SORCS1: variants seen among roughly 807,000 people sequenced by gnomAD.
The protein encoded by SORCS1 is VPS10 domain-containing receptor SorCS1.
SORCS1 carries 60 observed loss-of-function variants against 146.1 expected under a neutral mutation model. The observed-to-expected ratio is 0.41, with a 90% CI of 0.33 to 0.51. The LOEUF is 0.51. SORCS1 is among the 20% of genes least tolerant of loss of function. The probability of loss-of-function intolerance (pLI) is 0.21; values close to 1 mark genes in which losing one functional copy is unlikely to be tolerated. For synonymous variants in SORCS1, 637 were observed against 584.0 expected, an observed-to-expected ratio of 1.09 and a Z score of -1.31; for missense variants, 1,352 against 1,487.6, an observed-to-expected ratio of 0.91 and a Z score of 1.50.
intron 2 of SORCS1, among the ~76,000 whole-genome samples, chr10:106,841,477 T>TACACACACAC (rs71025563): frequency 2.0e-5 from 3 of 150,358 alleles, no homozygotes; most frequent in African/African-American, 7.3e-5. Flanking sequence ...TTCAATAAAA[T>TACACACACAC]ACACACACAC....
At chr10:106,621,109 G>A (rs931199284) in intron 19 of SORCS1, among the ~76,000 whole-genome samples, 4 of 152,202 alleles carry the variant, frequency 2.6e-5, no homozygotes, top group African/African-American at 9.7e-5. Context: ...GTTTGGGGTT[G>A]AATTAAGTTA....
At chr10:106,685,562 A>C (rs138530671) in intron 10 of SORCS1, among the ~76,000 whole-genome samples, 131 of 152,316 alleles carry the variant, frequency 8.6e-4, no homozygotes, top group Middle Eastern at 3.4e-3. Flanking sequence ...CAAGCCAGAC[A>C]AAGAGAAGGG....
intron 1 of SORCS1, among the ~76,000 whole-genome samples, chr10:106,964,418 C>T (rs1262796619): frequency 6.6e-6 from 1 of 152,092 alleles, no homozygotes; most frequent in African/African-American, 2.4e-5. Context: ...ATCCTCCTGC[C>T]TCAGTGTCCT....
At chr10:106,667,085 T>C (rs1394910299) in intron 17 of SORCS1, 1 of 152,114 alleles carries the variant, frequency 6.6e-6, no homozygotes, top group East Asian at 1.9e-4. Context: ...AAATTTATGA[T>C]TTTTTTTCCT....
At chr10:106,896,763 T>G (rs1480130114) in intron 2 of SORCS1, among the ~76,000 whole-genome samples, 2 of 151,914 alleles carry the variant, frequency 1.3e-5, no homozygotes, top group Non-Finnish European at 2.9e-5. Flanking sequence ...TTACAAATAT[T>G]AACACTTTAT....
intron 5 of SORCS1, among the ~76,000 whole-genome samples, chr10:106,730,389 A>C (rs1055784396): frequency 6.6e-6 from 1 of 152,246 alleles, no homozygotes; most frequent in African/African-American, 2.4e-5. Flanking sequence ...GGTCCTACGC[A>C]TGTTGGGTGT....
chr10:106,968,066 T>C (rs1048379586), intron 1 of SORCS1, among the ~76,000 whole-genome samples: 6 of 148,776 alleles, frequency 4.0e-5, no homozygotes, highest in Non-Finnish European at 7.4e-5. Flanking sequence ...AAAAGTTAGC[T>C]GGGCGTGGTG....
intron 1 of SORCS1, among the ~76,000 whole-genome samples, chr10:107,137,267 C>T (rs558321767): frequency 1.3e-5 from 2 of 152,220 alleles, no homozygotes; most frequent in East Asian, 3.9e-4. Flanking sequence ...ATTCCGAGGC[C>T]AACTGTACTG....
intron 23 of SORCS1, among the ~76,000 whole-genome samples, chr10:106,601,292 A>G (rs1846226943): frequency 6.6e-6 from 1 of 152,234 alleles, no homozygotes; most frequent in African/African-American, 2.4e-5. Flanking sequence ...TTGTCTTAAC[A>G]AATTTCATTT....
At chr10:107,079,549 C>T (rs1266015815) in intron 1 of SORCS1, among the ~76,000 whole-genome samples, 6 of 152,194 alleles carry the variant, frequency 3.9e-5, no homozygotes, top group Non-Finnish European at 1.5e-5. Context: ...TTTTTTGCTA[C>T]ATCTTGCCAG....
chr10:106,644,667 C>T (rs1420328340), intron 18 of SORCS1, among the ~76,000 whole-genome samples: 1 of 152,094 alleles, frequency 6.6e-6, no homozygotes, highest in Non-Finnish European at 1.5e-5. Context: ...ACCCGGCCAC[C>T]ATGAATTATT....
intron 1 of SORCS1, among the ~76,000 whole-genome samples, chr10:107,046,417 A>G (rs1477820289): frequency 2.0e-5 from 3 of 152,214 alleles, no homozygotes; most frequent in East Asian, 3.9e-4. Context: ...ATTTATGTTT[A>G]TCAATAAATA....
At chr10:106,820,982 C>T (rs1947992627) in intron 3 of SORCS1, among the ~76,000 whole-genome samples, 1 of 152,162 alleles carries the variant, frequency 6.6e-6, no homozygotes, top group South Asian at 2.1e-4. Flanking sequence ...AGAACATGAG[C>T]TCTAATAAGG....
intron 10 of SORCS1, among the ~76,000 whole-genome samples, chr10:106,683,961 A>G (rs914445207): frequency 6.6e-5 from 10 of 152,148 alleles, no homozygotes; most frequent in Non-Finnish European, 1.3e-4. Flanking sequence ...AATGGAAGAA[A>G]GGTGAAAAAC....
intron 3 of SORCS1, among the ~76,000 whole-genome samples, chr10:106,779,390 G>A (rs17121511): frequency 0.047 from 7,140 of 152,106 alleles, 273 homozygotes; most frequent in East Asian, 0.11. Flanking sequence ...ACCTCTGGTA[G>A]AATTCAAAAG....
chr10:106,667,667 G>T (rs775328864), intron 17 of SORCS1, 22 bp downstream of exon 17: 2 of 1,584,966 alleles, frequency 1.3e-6, no homozygotes, highest in Non-Finnish European at 1.7e-6. Context: ...GGCCTCTCAA[G>T]GTCACTACTC....
chr10:106,918,545 G>C (rs1048937327), intron 2 of SORCS1, among the ~76,000 whole-genome samples: 1 of 151,998 alleles, frequency 6.6e-6, no homozygotes, highest in African/African-American at 2.4e-5. Flanking sequence ...TCACCAAACA[G>C]TATGCATACT....
At chr10:107,116,378 G>A (rs1966038043) in intron 1 of SORCS1, among the ~76,000 whole-genome samples, 1 of 152,020 alleles carries the variant, frequency 6.6e-6, no homozygotes, top group East Asian at 1.9e-4. Context: ...TCCATTGCTG[G>A]ATAAATGGAT....
chr10:106,806,233 T>C (rs903216562), intron 3 of SORCS1, among the ~76,000 whole-genome samples: 1 of 149,652 alleles, frequency 6.7e-6, no homozygotes, highest in Non-Finnish European at 1.5e-5. Flanking sequence ...CCAGATGTGG[T>C]GGTGTGAACC....
Sources: allele counts gnomAD v4.1 joint callset (sites outside exome capture counted in the v4.1 genomes callset), GRCh38; gene constraint gnomAD v4.1.1; transcripts MANE v1.5; gene names NCBI Gene and HGNC (gene_info 2026-07-23, HGNC 2026-07-21).